The following DHCR7 variants were observed in gnomAD, a reference collection of about 807,000 sequenced individuals.
DHCR7 encodes 7-DHC reductase.
Under a neutral mutation model 43.3 loss-of-function variants are expected in DHCR7, and 40 were observed. The ratio of observed to expected loss-of-function variants is 0.92; its 90% confidence interval spans 0.72 to 1.20. The LOEUF is 1.20. Ranked by LOEUF, DHCR7 falls within the 50% of genes most tolerant of loss-of-function variation. DHCR7 has a pLI of 0.00. For synonymous variants in DHCR7, 298 were observed against 271.4 expected, an observed-to-expected ratio of 1.10 and a Z score of -0.96; for missense variants, 608 against 644.6, an observed-to-expected ratio of 0.94 and a Z score of 0.62.
chr11:71,439,191 C>T (rs371478322), intron 6 of DHCR7, 108 bp from the exon 7 acceptor site: 23 of 1,068,108 alleles, frequency 2.2e-5, no homozygotes, highest in African/African-American at 7.8e-5. Flanking sequence ...TAAAGGGTAA[C>T]GTGAGACGGC....
At chr11:71,436,988 G>C (rs1408996264) in intron 8 of DHCR7, among the ~76,000 whole-genome samples, 1 of 152,228 alleles carries the variant, frequency 6.6e-6, no homozygotes, top group Non-Finnish European at 1.5e-5. Context: ...CCTGCAGCCA[G>C]CCAGGTGGAG....
chr11:71,437,308 G>A (rs988635427), intron 8 of DHCR7, among the ~76,000 whole-genome samples: 3 of 152,184 alleles, frequency 2.0e-5, no homozygotes, highest in African/African-American at 2.4e-5. Flanking sequence ...CAGGGGGCTC[G>A]TTGCTCTTGA....
At position 71,442,364 on chromosome 11, in the gene DHCR7, C is replaced by A. The variant is rs2135945641; in HGVS notation, c.322-11G>T. ...CGTGTACAGAAGCACCTGAAACACA[C>A]AAGCAGCCTGATCACCCCCCGCCTG... On this transcript the variant is annotated splice_polypyrimidine_tract_variant and intron_variant, in intron 4 of 8. Transcript: ENST00000355527. 1 of 1,610,480 alleles carries A rather than the reference C, an allele frequency of 6.2e-7. No homozygotes were observed. The highest frequency in any genetic ancestry group is 1.1e-5 in the South Asian group (1 of 90,806).
chr11:71,435,261 G>T lies in DHCR7; in HGVS notation c.*114C>A. The T allele has an allele frequency of 8.7e-7, 1 of 1,145,510 alleles. No homozygotes were observed. The highest frequency in any genetic ancestry group is 1.3e-6 in the Non-Finnish European group (1 of 768,816). 71.0% of individuals were successfully genotyped at this position (1,145,510 alleles called of 1,614,324 possible). A position where few individuals can be genotyped will look rare whatever the true frequency, so the allele number is the denominator to read the frequency against. ...CCTGCCAAGTGCTGGGCTCTCTCCA[G>T]TTTACAGATGAGGAAACTGAGGCTC... On this transcript the variant is annotated 3_prime_UTR_variant, in exon 9 of 9. Transcript: ENST00000355527.
chr11:71,441,777 T>C (rs1198925678), intron 5 of DHCR7, among the ~76,000 whole-genome samples: 1 of 152,110 alleles, frequency 6.6e-6, no homozygotes, highest in Non-Finnish European at 1.5e-5. Flanking sequence ...CCTGGCCCCC[T>C]CTGTAATTGT....
At chr11:71,442,470 C>T in intron 4 of DHCR7, 117 bp from the exon 5 acceptor site, 1 of 775,734 alleles carries the variant, frequency 1.3e-6, no homozygotes, top group Admixed American at 2.0e-5. Context: ...GCACTTATGG[C>T]TCCTGGAAGC....
In DHCR7 at chr11:71,435,340, G is replaced by T; in HGVS notation, c.*35C>A. The T allele has an allele frequency of 1.2e-6, 2 of 1,604,334 alleles. No homozygotes were observed. The highest frequency in any genetic ancestry group is 2.2e-5 in the South Asian group (2 of 90,942). ...CATGGACCTGGCAGAACACGCTCTT[G>T]ACAGCCCCACAGGGCTTCTCCCTAG... On this transcript the variant is annotated 3_prime_UTR_variant, in exon 9 of 9. Coordinates refer to ENST00000355527, the MANE Select transcript of DHCR7 (RefSeq NM_001360.3).
At chr11:71,436,357 G>A (rs1949280365) in intron 8 of DHCR7, among the ~76,000 whole-genome samples, 1 of 152,182 alleles carries the variant, frequency 6.6e-6, no homozygotes, top group African/African-American at 2.4e-5. Flanking sequence ...CCAAAGAAGA[G>A]GGAATCTGCT....
chr11:71,444,104 GCC>G lies in DHCR7; in HGVS notation c.208_209del (p.Gly70ProfsTer46). 3 of 1,612,924 alleles carry G rather than the reference GCC, an allele frequency of 1.9e-6. No homozygotes were observed. Among genetic ancestry groups the G allele is most frequent in the Non-Finnish European group, 1.7e-6 (2 of 1,179,564 alleles). ...ACDQYSCALTGPVVDIVTGHA... is the reference protein window; with the variant it reads ...ACDQYSCALTXPVVDIVTGHA... ...GTCCGGTGACGATGTCCACCACAGG[GCC>G]AGTCAGGGCGCAGCTGTACTGGTCA... is the stretch of plus-strand genomic sequence containing the variant. On this transcript the variant is annotated frameshift_variant, in exon 4 of 9. Transcript: ENST00000355527. LOFTEE classifies it high-confidence loss of function.
Position 71,435,255 on chromosome 11 carries a change from T to A in DHCR7, c.*120A>T, listed in dbSNP as rs542228378. On this transcript the variant is annotated 3_prime_UTR_variant, in exon 9 of 9. Coordinates refer to ENST00000355527, the MANE Select transcript of DHCR7 (RefSeq NM_001360.3). Reference sequence around the variant, plus strand: ...TGGACACCTGCCAAGTGCTGGGCTCTCTCCAGTTTACAGATGAGGAAACTG... The same window carrying A: ...TGGACACCTGCCAAGTGCTGGGCTCACTCCAGTTTACAGATGAGGAAACTG... 2.1e-5 allele frequency: 22 copies of A among 1,072,218 alleles called. No individual in the cohort carries two copies. The South Asian group carries it at 2.7e-4, about 13-fold the overall frequency. 66.4% of individuals were successfully genotyped at this position (1,072,218 alleles called of 1,614,324 possible). A position where few individuals can be genotyped will look rare whatever the true frequency, so the allele number is the denominator to read the frequency against.
rs74909468 is a variant in DHCR7 at position 71,441,283 on chromosome 11, G to A, written c.570C>T (p.Ala190=). The change falls in exon 6 of 9, where the codon GCC becomes GCT. Residue 190 remains alanine, a synonymous_variant. Coordinates refer to ENST00000355527, the MANE Select transcript of DHCR7 (RefSeq NM_001360.3). ...LLWCANILGY[A]VSTFAMVKGY... ...CCTTGACCATGGCGAAGGTGGAGAC[G>A]GCATAGCCAAGGATGTTGGCGCACC... 1.9e-3 allele frequency: 3,063 copies of A among 1,614,208 alleles called. 59 individuals carry two copies. The African/African-American group carries it at 0.034, about 18-fold the overall frequency.
rs922646501 is a variant in DHCR7, at chr11:71,435,709, T to C, written c.1094A>G (p.Asp365Gly). Residue 365 changes from aspartate to glycine, a missense_variant, in exon 9 of 9, where the codon GAT becomes GGT. Coordinates refer to ENST00000355527, the MANE Select transcript of DHCR7 (RefSeq NM_001360.3). ...CCTGCCCCAGATGAGGCAGCGCCCA[T>C]CCGTGCGGCGGAACAGGTCCTTCTG... ...NHQKDLFRRT[D>G]GRCLIWGRKP... is the part of the protein sequence containing the mutation. 6.2e-7 allele frequency: 1 copy of C among 1,613,164 alleles called. No homozygotes were observed. The highest frequency in any genetic ancestry group is 8.5e-7 in the Non-Finnish European group (1 of 1,179,924).
chr11:71,441,195 A>G (rs1949343755), intron 6 of DHCR7, 32 bp downstream of exon 6: 1 of 1,607,190 alleles, frequency 6.2e-7, no homozygotes, highest in South Asian at 1.1e-5. Context: ...TGCACTTTCT[A>G]CATCAGGCTG....
intron 1 of DHCR7, 170 bp from the exon 2 acceptor site, chr11:71,447,904 C>T (rs1949421025): frequency 6.6e-6 from 1 of 152,380 alleles, no homozygotes; most frequent in African/African-American, 2.4e-5. Flanking sequence ...CATCGCAAAG[C>T]TGCTGTGCCT....
intron 2 of DHCR7, among the ~76,000 whole-genome samples, chr11:71,429,182 A>G (rs1399520026): frequency 6.6e-6 from 1 of 152,204 alleles, no homozygotes; most frequent in East Asian, 1.9e-4. Context: ...GAGGTGGAGC[A>G]GTGCCAGAGG....
chr11:71,430,615 G>A (rs1446024196), downstream of DHCR7, among the ~76,000 whole-genome samples: 1 of 152,212 alleles, frequency 6.6e-6, no homozygotes, highest in Admixed American at 6.5e-5. Flanking sequence ...CACACTAGCT[G>A]GGTCCCACTC....
chr11:71,444,340 T>C (rs1949382868), intron 3 of DHCR7, 125 bp from the exon 4 acceptor site: 2 of 791,274 alleles, frequency 2.5e-6, no homozygotes, highest in South Asian at 2.9e-5. Context: ...CAGAAGGCAT[T>C]AGCTCCTAGC....
rs1591107738 is a variant in DHCR7 at position 71,435,858 on chromosome 11, G to A, written c.964-19C>T. 17 of 1,585,940 alleles carry A rather than the reference G, an allele frequency of 1.1e-5. No individual in the cohort carries two copies. The East Asian group carries it at 3.4e-4, about 32-fold the overall frequency. On this transcript the variant is annotated intron_variant, in intron 8 of 8. Transcript: ENST00000355527. ...ACAGACCCTGGGGGGCGAGGGGGAAGGGGTCAAGCGGTGCTTTGCCCAGGG... is the reference window on the plus strand; with the variant it reads ...ACAGACCCTGGGGGGCGAGGGGGAAAGGGTCAAGCGGTGCTTTGCCCAGGG...
downstream of DHCR7, among the ~76,000 whole-genome samples, chr11:71,432,929 G>C (rs560258970): frequency 6.6e-5 from 10 of 152,340 alleles, no homozygotes; most frequent in South Asian, 1.9e-3. Flanking sequence ...CAGCAAGCAG[G>C]GTGGTTTCTG....
Sources: gnomAD v4.1 joint callset for allele counts (sites outside exome capture counted in the v4.1 genomes callset) on GRCh38, gnomAD v4.1.1 for gene constraint, MANE v1.5 for transcripts, NCBI Gene and HGNC (gene_info 2026-07-23, HGNC 2026-07-21) for gene names.